Variants in PIKFYVE observed in about 807,000 individuals in gnomAD.
PIKFYVE encodes phosphoinositide kinase, FYVE-type zinc finger containing.
A neutral mutation model predicts 257.9 loss-of-function variants in PIKFYVE; 122 were observed. The ratio of observed to expected loss-of-function variants is 0.47; its 90% CI spans 0.41 to 0.55. PIKFYVE has a LOEUF of 0.55. Ranked by LOEUF, PIKFYVE falls within the 20% of genes least tolerant of loss-of-function variation. The pLI, the probability that PIKFYVE is intolerant of heterozygous loss-of-function variation, is 0.00. For synonymous variants in PIKFYVE, 892 were observed against 868.9 expected (o/e 1.03, Z -0.47); for missense variants, 2,160 against 2,536.6 (o/e 0.85, Z 3.19).
chr2:208,275,827 T>A (rs977353467), intron 3 of PIKFYVE, among the ~76,000 whole-genome samples: 8 of 152,220 alleles, frequency 5.3e-5, no homozygotes, highest in African/African-American at 1.9e-4. Context: ...AGGATGTTCA[T>A]CCTTTTTGTC....
At chr2:208,332,629 T>A (rs998567646) in intron 23 of PIKFYVE, among the ~76,000 whole-genome samples, 9 of 152,212 alleles carry the variant, frequency 5.9e-5, no homozygotes, top group African/African-American at 2.2e-4. Context: ...TGAAAAGTTG[T>A]GCAAGAATAT....
At chr2:208,315,823 T>C (rs1695439359) in intron 15 of PIKFYVE, among the ~76,000 whole-genome samples, 1 of 129,408 alleles carries the variant, frequency 7.7e-6, no homozygotes, top group Admixed American at 8.7e-5. Flanking sequence ...TCTTAAAACA[T>C]TATGACATTT....
chr2:208,268,315 G>A lies in PIKFYVE; in HGVS notation c.-10+1900G>A, dbSNP rs191673866. Among the ~76,000 whole-genome samples, 386 of 152,100 alleles carry A rather than the reference G, an allele frequency of 2.5e-3. 1 individual carries two copies. In the Middle Eastern group the frequency reaches 0.031, roughly 12 times the overall value. ...TTAGAAGTAATTCTAAGACTCTTTAGGCAGAATGTCATCTCTGCCTCTGAC... is the reference window on the plus strand; with the variant it reads ...TTAGAAGTAATTCTAAGACTCTTTAAGCAGAATGTCATCTCTGCCTCTGAC... On this transcript the variant is annotated intron_variant, in intron 1 of 41. Coordinates refer to ENST00000264380, the MANE Select transcript of PIKFYVE (RefSeq NM_015040.4).
At chr2:208,331,189 A>G (rs934716760) in intron 23 of PIKFYVE, among the ~76,000 whole-genome samples, 2 of 152,050 alleles carry the variant, frequency 1.3e-5, no homozygotes, top group East Asian at 1.9e-4. Flanking sequence ...ATTGATCTCT[A>G]TTGGTTTTTA....
intron 5 of PIKFYVE, among the ~76,000 whole-genome samples, chr2:208,281,892 CT>C (rs1021188348): frequency 5.1e-4 from 77 of 152,292 alleles, no homozygotes; most frequent in African/African-American, 1.8e-3. Flanking sequence ...GAGTGTTGTT[CT>C]GATTTTTAAC....
rs774087190 is a variant in PIKFYVE at position 208,336,053 on chromosome 2, A to C, written c.4373A>C (p.Glu1458Ala). ...EDIFAQKEME[E>A]GEFKNWIEKM... ...TGTTTCTGTTCCTTGTAGATGGAAG[A>C]AGGTGAGTTCAAGAACTGGATTGAG... Residue 1458 changes from glutamate to alanine, a missense_variant, in exon 27 of 42, where the codon GAA becomes GCA. This residue lies in a region of PIKFYVE where 699 missense variants were observed against 855.8 expected (regional missense o/e 0.82). Transcript: ENST00000264380. 124 of 1,613,890 alleles carry C rather than the reference A, an allele frequency of 7.7e-5. No individual in the cohort carries two copies. The highest frequency in any genetic ancestry group is 1.0e-4 in the Non-Finnish European group (118 of 1,179,974).
intron 10 of PIKFYVE, among the ~76,000 whole-genome samples, chr2:208,302,812 G>A (rs559929195): frequency 2.0e-5 from 3 of 152,142 alleles, no homozygotes; most frequent in Non-Finnish European, 4.4e-5. Context: ...GGGTACGGTG[G>A]CTCACGCTTG....
chr2:208,295,408 C>A (rs1363618026), intron 7 of PIKFYVE, among the ~76,000 whole-genome samples: 2 of 152,038 alleles, frequency 1.3e-5, no homozygotes, highest in African/African-American at 4.8e-5. Flanking sequence ...TGCCAATTGT[C>A]CTAATAATGT....
At chr2:208,336,727 C>G (rs1362591240) in intron 27 of PIKFYVE, 111 bp from the exon 28 acceptor site, 2 of 678,052 alleles carry the variant, frequency 2.9e-6, no homozygotes, top group African/African-American at 3.7e-5. Context: ...CTATGGTAAT[C>G]CAAATAGGAA....
intron 1 of PIKFYVE, chr2:208,269,231 AGGGAGGAACCTTGTC>A (rs1689089808): frequency 6.6e-6 from 1 of 152,296 alleles, no homozygotes; most frequent in Non-Finnish European, 1.5e-5. Flanking sequence ...GTTTTCTCCA[AGGGAGGAACCTTGTC>A]TTTATTTTGA....
chr2:208,275,723 T>C (rs1435415855), intron 3 of PIKFYVE, among the ~76,000 whole-genome samples: 3 of 152,336 alleles, frequency 2.0e-5, no homozygotes, highest in Middle Eastern at 3.4e-3. Context: ...AAACAGCACC[T>C]ATCTAGCAAA....
Position 208,358,211 on chromosome 2 carries a change from A to G in PIKFYVE, c.*2906A>G, listed in dbSNP as rs1410557807. The G allele has an allele frequency of 6.6e-6, 1 of 152,582 alleles. No individual in the cohort carries two copies. The highest frequency in any genetic ancestry group is 1.5e-5 in the Non-Finnish European group (1 of 68,022). The allele number at this position is 152,582 out of a possible 1,614,324, so 9.5% of individuals were successfully genotyped here. A position where few individuals can be genotyped will look rare whatever the true frequency, so the allele number is the denominator to read the frequency against. ...TCATCAGCTTCATGACATTTTACCC[A>G]TTTGCAGTGATCCTGTGTAAAACTG... On this transcript the variant is annotated 3_prime_UTR_variant, in exon 42 of 42. Transcript: ENST00000264380.
chr2:208,345,827 T>G (rs1399160217), intron 33 of PIKFYVE, among the ~76,000 whole-genome samples: 1 of 152,174 alleles, frequency 6.6e-6, no homozygotes, highest in Non-Finnish European at 1.5e-5. Flanking sequence ...CTCCATACAT[T>G]TTTATAGTTA....
At chr2:208,352,345 T>G (rs753108119) in intron 38 of PIKFYVE, among the ~76,000 whole-genome samples, 36 of 152,022 alleles carry the variant, frequency 2.4e-4, no homozygotes, top group Non-Finnish European at 4.3e-4. Context: ...GTTACATAGT[T>G]TTGGGTTTTT....
At chr2:208,280,937 C>T (rs1250031437) in intron 5 of PIKFYVE, among the ~76,000 whole-genome samples, 1 of 152,160 alleles carries the variant, frequency 6.6e-6, no homozygotes, top group Non-Finnish European at 1.5e-5. Context: ...TCTTTGGCGA[C>T]TAAAGTGCTG....
chr2:208,307,459 T>C (rs778340103), intron 12 of PIKFYVE, among the ~76,000 whole-genome samples: 115 of 152,236 alleles, frequency 7.6e-4, no homozygotes, highest in Non-Finnish European at 1.5e-3. Flanking sequence ...TTAGGCAAAC[T>C]GTATGCCAGG....
chr2:208,326,291 A>G lies in PIKFYVE; in HGVS notation c.3480A>G (p.Gly1160=). The G allele has an allele frequency of 6.2e-7, 1 of 1,600,942 alleles. No individual in the cohort carries two copies. The highest frequency in any genetic ancestry group is 1.1e-5 in the South Asian group (1 of 89,056). The change falls in exon 20 of 42, where the codon GGA becomes GGG. Residue 1160 remains glycine, a synonymous_variant. Coordinates refer to ENST00000264380, the MANE Select transcript of PIKFYVE (RefSeq NM_015040.4). The part of the protein sequence containing the change: ...RMLADYRARG[G]RIQPKNSDPF... ...TGGCCGATTATCGAGCCAGAGGAGG[A>G]AGAATTCAGCCCAAAAATTCAGACC...
At chr2:208,324,432 G>T in intron 18 of PIKFYVE, 150 bp downstream of exon 18, 1 of 836,764 alleles carries the variant, frequency 1.2e-6, no homozygotes. Flanking sequence ...ATTTCATTAA[G>T]ATTCAGAATT....
chr2:208,273,941 C>T lies in PIKFYVE; in HGVS notation c.322+208C>T, dbSNP rs117520249. 78 of 1,503,902 alleles carry T rather than the reference C, an allele frequency of 5.2e-5. No homozygotes were observed. The East Asian group carries it at 8.4e-4, about 16-fold the overall frequency. 93.2% of individuals were successfully genotyped at this position (1,503,902 alleles called of 1,614,324 possible). ...ATTGACACCTGAAAAAATTCTTAAA[C>T]GTCTCATTAAACTTTAATTTAGGCA... On this transcript the variant is annotated intron_variant, in intron 3 of 41. Coordinates refer to ENST00000264380, the MANE Select transcript of PIKFYVE (RefSeq NM_015040.4).
Sources: gnomAD v4.1 joint callset for allele counts (sites outside exome capture counted in the v4.1 genomes callset) on GRCh38, gnomAD v4.1.1 for gene constraint, gnomAD v4.1.1 regional missense constraint, MANE v1.5 for transcripts, NCBI Gene and HGNC (gene_info 2026-07-23, HGNC 2026-07-21) for gene names.